Variants in PACRG observed in about 807,000 individuals in gnomAD.
The protein encoded by PACRG is parkin coregulated.
In PACRG, 29 loss-of-function variants were observed where a neutral mutation model predicts 29.7. The ratio of observed to expected loss-of-function variants is 0.98; its 90% confidence interval spans 0.73 to 1.33. The LOEUF is 1.33. Ranked by LOEUF, PACRG falls within the 40% of genes most tolerant of loss-of-function variation. The probability of loss-of-function intolerance (pLI) is 0.00; values close to 1 mark genes in which losing one functional copy is unlikely to be tolerated. For synonymous variants in PACRG, 116 were observed against 118.7 expected (o/e 0.98, Z 0.15); for missense variants, 279 against 316.2 (o/e 0.88, Z 0.89).
chr6:162,764,488 G>A (rs950681728), intron 1 of PACRG, among the ~76,000 whole-genome samples: 2 of 152,052 alleles, frequency 1.3e-5, no homozygotes, highest in African/African-American at 4.8e-5. Context: ...CAATTTAGAA[G>A]CAGAAATGTT....
At chr6:163,204,758 A>T (rs1198860291) in intron 4 of PACRG, among the ~76,000 whole-genome samples, 1 of 152,200 alleles carries the variant, frequency 6.6e-6, no homozygotes, top group Non-Finnish European at 1.5e-5. Context: ...AGAAAGAAAG[A>T]AAAAGAGAGG....
chr6:162,894,611 G>C (rs1169619885), intron 2 of PACRG, among the ~76,000 whole-genome samples: 1 of 152,136 alleles, frequency 6.6e-6, no homozygotes, highest in Non-Finnish European at 1.5e-5. Context: ...GGCCTGCAAG[G>C]CTTCTCGATA....
At chr6:162,907,394 T>C (rs546486629) in intron 2 of PACRG, among the ~76,000 whole-genome samples, 2 of 152,200 alleles carry the variant, frequency 1.3e-5, no homozygotes, top group African/African-American at 2.4e-5. Context: ...TTTCTTTCAA[T>C]TGGGCATTTC....
At chr6:162,924,230 G>A (rs916414825) in intron 2 of PACRG, among the ~76,000 whole-genome samples, 4 of 151,986 alleles carry the variant, frequency 2.6e-5, no homozygotes, top group African/African-American at 4.8e-5. Context: ...TTGTTTGTAT[G>A]TGGATTTGCA....
chr6:162,895,110 C>CA (rs368087605), intron 2 of PACRG, among the ~76,000 whole-genome samples: 2 of 149,226 alleles, frequency 1.3e-5, no homozygotes, highest in Non-Finnish European at 1.5e-5. Flanking sequence ...CCCCCGCCCC[C>CA]AAAAAAAAAT....
At chr6:163,175,788 C>T (rs1341153533) in intron 4 of PACRG, among the ~76,000 whole-genome samples, 1 of 138,876 alleles carries the variant, frequency 7.2e-6, no homozygotes, top group Non-Finnish European at 1.5e-5. Flanking sequence ...AGGAGCTCTG[C>T]TTCTCAGGCT....
chr6:162,964,751 T>C (rs189571270), intron 2 of PACRG, among the ~76,000 whole-genome samples: 326 of 152,318 alleles, frequency 2.1e-3, no homozygotes, highest in Non-Finnish European at 3.4e-3. Flanking sequence ...AGGCAGTTTT[T>C]GAAGGAAAAT....
intron 2 of PACRG, among the ~76,000 whole-genome samples, chr6:163,013,007 C>G (rs537519732): frequency 6.6e-6 from 1 of 152,042 alleles, no homozygotes; most frequent in South Asian, 2.1e-4. Flanking sequence ...ATTTTGAAGA[C>G]TTCAGATGAA....
At chr6:163,108,315 A>G (rs1280954696) in intron 4 of PACRG, among the ~76,000 whole-genome samples, 1 of 151,032 alleles carries the variant, frequency 6.6e-6, no homozygotes, top group African/African-American at 2.4e-5. Context: ...TACCATTGTA[A>G]GTTTCCTGAG....
intron 1 of PACRG, among the ~76,000 whole-genome samples, chr6:162,795,242 G>A (rs1293623289): frequency 6.6e-6 from 1 of 151,866 alleles, no homozygotes; most frequent in African/African-American, 2.4e-5. Context: ...GGGGTGGGGG[G>A]CAGAGTAGGT....
chr6:162,838,749 C>T (rs1005477300), intron 2 of PACRG, among the ~76,000 whole-genome samples: 3 of 121,236 alleles, frequency 2.5e-5, no homozygotes, highest in African/African-American at 6.2e-5. Flanking sequence ...CCCCTCCCCC[C>T]ACCCCACCAC....
intron 4 of PACRG, among the ~76,000 whole-genome samples, chr6:163,159,346 T>C (rs1366951505): frequency 6.7e-6 from 1 of 149,008 alleles, no homozygotes; most frequent in Non-Finnish European, 1.5e-5. Flanking sequence ...CTAAAAATAA[T>C]AAATGATTTA....
In PACRG at chr6:162,747,345, T is replaced by C. The variant is rs1201295579; in HGVS notation, c.156+18954T>C. On this transcript the variant is annotated intron_variant, in intron 1 of 4. Transcript: ENST00000366888. ...TTGCTCATATATATATATATATATA[T>C]ATATATATATATATATATACACATA... 1.4e-3 allele frequency among the ~76,000 whole-genome samples: 102 copies of C among 75,414 alleles called. 4 individuals are homozygous for C. Among genetic ancestry groups the C allele is most frequent in the African/African-American group, 6.3e-3 (96 of 15,246 alleles). 49.5% of individuals were successfully genotyped at this position (75,414 alleles called of 152,430 possible).
intron 4 of PACRG, chr6:163,191,684 G>T: frequency 4.4e-6 from 2 of 456,292 alleles, no homozygotes; most frequent in Non-Finnish European, 4.4e-6. Context: ...GTGGCCATCT[G>T]TGCCTATGCT....
chr6:163,066,309 C>T (rs1012798683), intron 3 of PACRG, among the ~76,000 whole-genome samples: 1 of 152,116 alleles, frequency 6.6e-6, no homozygotes. Context: ...TGATTTTACC[C>T]CGGTCATGTG....
At chr6:163,057,423 T>C (rs1291117724) in intron 2 of PACRG, among the ~76,000 whole-genome samples, 2 of 152,170 alleles carry the variant, frequency 1.3e-5, no homozygotes, top group African/African-American at 4.8e-5. Flanking sequence ...GCTGCTTATT[T>C]ATTTTTTTTC....
At chr6:162,783,690 A>T (rs902521303) in intron 1 of PACRG, among the ~76,000 whole-genome samples, 32 of 152,072 alleles carry the variant, frequency 2.1e-4, no homozygotes, top group African/African-American at 7.5e-4. Context: ...AGACTTTCTA[A>T]TTATCTCATT....
At chr6:163,110,790 T>C (rs1815671614) in intron 4 of PACRG, among the ~76,000 whole-genome samples, 1 of 152,148 alleles carries the variant, frequency 6.6e-6, no homozygotes, top group East Asian at 1.9e-4. Flanking sequence ...GCAGAGTAAA[T>C]GAAGCAAACA....
At chr6:163,025,493 T>C (rs1807044123) in intron 2 of PACRG, among the ~76,000 whole-genome samples, 1 of 152,144 alleles carries the variant, frequency 6.6e-6, no homozygotes, top group South Asian at 2.1e-4. Context: ...CCAGTCACCG[T>C]GAAGAAAATG....
Sources: gnomAD v4.1 joint callset for allele counts (sites outside exome capture counted in the v4.1 genomes callset) on GRCh38, gnomAD v4.1.1 for gene constraint, MANE v1.5 for transcripts, NCBI Gene and HGNC (gene_info 2026-07-23, HGNC 2026-07-21) for gene names.